The following PGCKA1 variants were observed in gnomAD, a reference collection of about 807,000 sequenced individuals.
PGCKA1 encodes PDCD10 and GCKIII kinases-associated protein 1.
the PGCKA1 span, among the ~76,000 whole-genome samples, chr4:37,475,371 C>T: frequency 1.9e-4 from 29 of 152,208 alleles, no homozygotes; most frequent in African/African-American, 6.5e-4. Flanking sequence ...TAGCTACATC[C>T]ACCCCACCCC....
the PGCKA1 span, among the ~76,000 whole-genome samples, chr4:37,477,463 A>G: frequency 6.7e-4 from 102 of 152,346 alleles, no homozygotes; most frequent in African/African-American, 2.3e-3. Flanking sequence ...AAAATGTGCT[A>G]AAATTTATTG....
chr4:37,453,862 C>T, the PGCKA1 span: 1 of 152,280 alleles, frequency 6.6e-6, no homozygotes, highest in African/African-American at 2.4e-5. Context: ...GAAGGCTCAC[C>T]CGCAGCCCGG....
chr4:37,566,571 C>A, the PGCKA1 span, among the ~76,000 whole-genome samples: 2 of 150,730 alleles, frequency 1.3e-5, no homozygotes, highest in Non-Finnish European at 3.0e-5. Context: ...ACCCAAAATT[C>A]TTGTTTCTGA....
chr4:37,460,202 G>A, the PGCKA1 span, among the ~76,000 whole-genome samples: 2 of 152,148 alleles, frequency 1.3e-5, no homozygotes, highest in Admixed American at 6.5e-5. Context: ...ATTCTGTGGT[G>A]TATATGTGCC....
At chr4:37,544,650 TTTG>T in the PGCKA1 span, among the ~76,000 whole-genome samples, 1 of 152,046 alleles carries the variant, frequency 6.6e-6, no homozygotes, top group African/African-American at 2.4e-5. Context: ...AGCTGTTTTT[TTTG>T]TTCTCTGATT....
At chr4:37,543,877 A>G in the PGCKA1 span, among the ~76,000 whole-genome samples, 229 of 151,752 alleles carry the variant, frequency 1.5e-3, no homozygotes, top group African/African-American at 5.3e-3. Context: ...AGCTTCTCCA[A>G]TCTGAACAAG....
the PGCKA1 span, among the ~76,000 whole-genome samples, chr4:37,572,522 CA>C: frequency 1.3e-5 from 2 of 151,840 alleles, no homozygotes; most frequent in Non-Finnish European, 2.9e-5. Flanking sequence ...TATATACACA[CA>C]ATTTTTTTTC....
the PGCKA1 span, among the ~76,000 whole-genome samples, chr4:37,586,866 T>G: frequency 6.6e-6 from 1 of 152,134 alleles, no homozygotes; most frequent in Non-Finnish European, 1.5e-5. Flanking sequence ...GCCGAGATTG[T>G]GCCATTGCAC....
At chr4:37,548,022 A>AG in the PGCKA1 span, among the ~76,000 whole-genome samples, 999 of 145,722 alleles carry the variant, frequency 6.9e-3, 17 homozygotes, top group African/African-American at 0.024. Flanking sequence ...GGAAAAAAAA[A>AG]GGGGGGGAGG....
the PGCKA1 span, among the ~76,000 whole-genome samples, chr4:37,494,547 C>T: frequency 6.6e-6 from 1 of 152,158 alleles, no homozygotes. Context: ...TAGGTTGATT[C>T]CATGTCTTTG....
chr4:37,465,116 A>G, the PGCKA1 span, among the ~76,000 whole-genome samples: 1 of 152,206 alleles, frequency 6.6e-6, no homozygotes, highest in East Asian at 1.9e-4. Flanking sequence ...CTCACTTTTC[A>G]TATTTAGTAT....
chr4:37,511,532 A>G, the PGCKA1 span, among the ~76,000 whole-genome samples: 2 of 152,104 alleles, frequency 1.3e-5, no homozygotes, highest in African/African-American at 4.8e-5. Context: ...CCTCACGACT[A>G]TGACCAGTAC....
the PGCKA1 span, among the ~76,000 whole-genome samples, chr4:37,573,104 T>A: frequency 6.6e-6 from 1 of 152,350 alleles, no homozygotes; most frequent in East Asian, 1.9e-4. Context: ...CCTCATGTAT[T>A]TCCCTTCTCT....
At chr4:37,484,661 T>C in the PGCKA1 span, among the ~76,000 whole-genome samples, 1 of 152,242 alleles carries the variant, frequency 6.6e-6, no homozygotes. Context: ...TTACATCTCT[T>C]TTCTGTATAA....
chr4:37,481,464 C>CAAAAAAA, the PGCKA1 span, among the ~76,000 whole-genome samples: 234 of 61,280 alleles, frequency 3.8e-3, 8 homozygotes, highest in African/African-American at 4.1e-3. Flanking sequence ...GACCTGTCTC[C>CAAAAAAA]AAAAAAAAAA....
chr4:37,590,577 G>T, the PGCKA1 span: 1 of 1,614,160 alleles, frequency 6.2e-7, no homozygotes, highest in African/African-American at 1.3e-5. Flanking sequence ...GTTTTGCCTT[G>T]GAAGTACAAG....
the PGCKA1 span, among the ~76,000 whole-genome samples, chr4:37,544,948 C>T: frequency 2.0e-5 from 3 of 151,902 alleles, no homozygotes; most frequent in East Asian, 1.9e-4. Context: ...CTCTGCCCCC[C>T]GGGTTCAAGT....
chr4:37,493,935 G>A, the PGCKA1 span, among the ~76,000 whole-genome samples: 1 of 152,094 alleles, frequency 6.6e-6, no homozygotes, highest in Admixed American at 6.5e-5. Flanking sequence ...ATAGTATTTT[G>A]TTATGTTTAT....
At chr4:37,506,646 T>G in the PGCKA1 span, among the ~76,000 whole-genome samples, 12 of 152,056 alleles carry the variant, frequency 7.9e-5, no homozygotes, top group Admixed American at 7.9e-4. Flanking sequence ...GGGAAGATGC[T>G]TGATATTATT....
Sources: gnomAD v4.1 joint callset for allele counts (sites outside exome capture counted in the v4.1 genomes callset) on GRCh38, gnomAD v4.1.1 for gene constraint, MANE v1.5 for transcripts, NCBI Gene and HGNC (gene_info 2026-07-23, HGNC 2026-07-21) for gene names.